Variants in BUB3 observed in about 807,000 individuals in gnomAD.
The protein encoded by BUB3 is mitotic checkpoint protein BUB3.
Under a neutral mutation model 39.9 loss-of-function variants are expected in BUB3, and 22 were observed. That is an observed-to-expected ratio of 0.55 (90% CI 0.39 to 0.79). The LOEUF is 0.79. Ranked by LOEUF, BUB3 falls within the 30% of genes least tolerant of loss-of-function variation. BUB3 has a pLI of 0.00. For missense variants in BUB3, 303 were observed against 415.4 expected (o/e 0.73, Z 2.35); for synonymous variants, 168 against 155.1 (o/e 1.08, Z -0.62).
chr10:123,156,814 T>A (rs1417036494), intron 3 of BUB3, among the ~76,000 whole-genome samples: 1 of 150,486 alleles, frequency 6.6e-6, no homozygotes, highest in African/African-American at 2.5e-5. Context: ...TGGTGTGATC[T>A]TGGCTCACCA....
Position 123,161,562 on chromosome 10 carries a change from T to C in BUB3, c.577-674T>C, listed in dbSNP as rs1341796461. The stretch of plus-strand genomic sequence containing the variant: ...GTTAAAAAGTAGGATTTTACTGACT[T>C]ATATATTTCTTCATAAACAGTTTTC... On this transcript the variant is annotated intron_variant, in intron 5 of 7. Transcript: ENST00000368865. Among the ~76,000 whole-genome samples the C allele has an allele frequency of 3.3e-5, 5 of 152,006 alleles. No homozygotes were observed. In the East Asian group the frequency reaches 9.6e-4, roughly 29 times the overall value.
chr10:123,163,889 C>G lies in BUB3; in HGVS notation c.*54C>G. On this transcript the variant is annotated 3_prime_UTR_variant, in exon 8 of 8. Transcript: ENST00000368865. The stretch of plus-strand genomic sequence containing the variant: ...TGATGATAATAAAACAATTCGTACT[C>G]CCCAATGGTGGATTTATTACTATTA... The G allele has an allele frequency of 6.5e-7, 1 of 1,543,956 alleles. No individual in the cohort carries two copies. Among genetic ancestry groups the G allele is most frequent in the Admixed American group, 1.9e-5 (1 of 53,974 alleles).
At chr10:123,155,248 C>A in intron 2 of BUB3, 136 bp downstream of exon 2, 1 of 1,014,610 alleles carries the variant, frequency 9.9e-7, no homozygotes, top group Non-Finnish European at 1.4e-6. Flanking sequence ...TTTTCAGGAG[C>A]ATCTGCCTTG....
At chr10:123,161,553 T>A (rs1844424317) in intron 5 of BUB3, among the ~76,000 whole-genome samples, 2 of 152,222 alleles carry the variant, frequency 1.3e-5, no homozygotes, top group Admixed American at 6.5e-5. Context: ...AAGTAGGATT[T>A]TACTGACTTA....
intron 3 of BUB3, among the ~76,000 whole-genome samples, chr10:123,157,044 T>C (rs906259051): frequency 1.3e-5 from 2 of 152,200 alleles, no homozygotes; most frequent in African/African-American, 2.4e-5. Flanking sequence ...GTCAGGACCA[T>C]ATATTGTTCA....
At chr10:123,156,261 C>G (rs1394577716) in intron 3 of BUB3, among the ~76,000 whole-genome samples, 1 of 152,156 alleles carries the variant, frequency 6.6e-6, no homozygotes, top group Non-Finnish European at 1.5e-5. Context: ...TCTTAGAGAT[C>G]CAGATATGAA....
rs1288831687 is a variant in BUB3, at chr10:123,164,317, C to T, written c.*482C>T. 3.0e-5 allele frequency: 30 copies of T among 985,766 alleles called. No individual in the cohort carries two copies. Among genetic ancestry groups the T allele is most frequent in the African/African-American group, 5.2e-5 (3 of 57,208 alleles). The allele number at this position is 985,766 out of a possible 1,614,324, so 61.1% of individuals were successfully genotyped here. ...ACAATTAAACAATATTTCCTCTTGG[C>T]CGTCCATTATTTTCTGAAGCAGATG... On this transcript the variant is annotated 3_prime_UTR_variant, in exon 8 of 8. Transcript: ENST00000368865.
chr10:123,155,188 G>C lies in BUB3; in HGVS notation c.195+76G>C, dbSNP rs1369893751. 3.3e-6 allele frequency: 5 copies of C among 1,502,538 alleles called. No individual in the cohort carries two copies. The African/African-American group carries it at 5.6e-5, about 17-fold the overall frequency. 93.1% of individuals were successfully genotyped at this position (1,502,538 alleles called of 1,614,324 possible). ...CCACGTGAGGAGCGTTTCTTTTCCA[G>C]TGTTGGGTAGAGGCGTCTGTCGGTG... On this transcript the variant is annotated intron_variant, in intron 2 of 7. Transcript: ENST00000368865.
chr10:123,165,132 G>A lies in BUB3; in HGVS notation c.*1297G>A. 2 of 1,497,240 alleles carry A rather than the reference G, an allele frequency of 1.3e-6. No individual in the cohort carries two copies. The highest frequency in any genetic ancestry group is 1.9e-6 in the Non-Finnish European group (2 of 1,080,444). The allele number at this position is 1,497,240 out of a possible 1,614,324, so 92.7% of individuals were successfully genotyped here. A position where few individuals can be genotyped will look rare whatever the true frequency, so the allele number is the denominator to read the frequency against. ...AATACATGCTTATTCCTTAAGGGAT[G>A]TGTTAGAGTTACTGTGGATTTCTCT... On this transcript the variant is annotated 3_prime_UTR_variant, in exon 8 of 8. Coordinates refer to ENST00000368865, the MANE Select transcript of BUB3 (RefSeq NM_004725.4).
intron 7 of BUB3, chr10:123,163,106 A>G: frequency 2.7e-6 from 1 of 364,032 alleles, no homozygotes; most frequent in African/African-American, 2.1e-5. Context: ...AGTTATTACC[A>G]GCTCATTGCT....
At position 123,163,948 on chromosome 10, in the gene BUB3, T is replaced by C; in HGVS notation, c.*113T>C. ...AGGGAAAATATTAATTTTAATATTA[T>C]AACAACCTGAAAATAATGGAAAAGA... On this transcript the variant is annotated 3_prime_UTR_variant, in exon 8 of 8. Transcript: ENST00000368865. 2.2e-6 allele frequency: 3 copies of C among 1,343,782 alleles called. No individual in the cohort carries two copies. Among genetic ancestry groups the C allele is most frequent in the Non-Finnish European group, 2.9e-6 (3 of 1,029,516 alleles). 83.2% of individuals were successfully genotyped at this position (1,343,782 alleles called of 1,614,324 possible).
Position 123,168,806 on chromosome 10 carries a change from G to A in BUB3, c.*4971G>A, listed in dbSNP as rs1429866142. 1 of 151,894 alleles carries A rather than the reference G, an allele frequency of 6.6e-6. No individual in the cohort carries two copies. Among genetic ancestry groups the A allele is most frequent in the Non-Finnish European group, 1.5e-5 (1 of 68,034 alleles). 9.4% of individuals were successfully genotyped at this position (151,894 alleles called of 1,614,324 possible). On this transcript the variant is annotated 3_prime_UTR_variant, in exon 8 of 8. Transcript: ENST00000368865. ...GACTTCAGGTAATCCGCCCTCCTTG[G>A]TCTCCCAAAGTGCTGGGATACAGGC...
rs1844442211 is a variant in BUB3, at chr10:123,162,769, A to G, written c.912A>G (p.Thr304=). The change falls in exon 7 of 8, where the codon ACA becomes ACG. Residue 304 remains threonine (T), a synonymous_variant. Coordinates refer to ENST00000368865, the MANE Select transcript of BUB3 (RefSeq NM_004725.4). Reference sequence around the variant, plus strand: ...CATATATGTATGAAATGGATGACACAGAACATCCTGAAGATGGTATCTTCA... The same window carrying G: ...CATATATGTATGAAATGGATGACACGGAACATCCTGAAGATGGTATCTTCA... ...ASSYMYEMDD[T]EHPEDGIFIR... is the part of the protein sequence containing the mutation. 1 of 1,614,014 alleles carries G rather than the reference A, an allele frequency of 6.2e-7. No individual in the cohort carries two copies. Among genetic ancestry groups the G allele is most frequent in the Non-Finnish European group, 8.5e-7 (1 of 1,179,986 alleles).
chr10:123,163,024 C>T (rs887273107), intron 7 of BUB3, 196 bp downstream of exon 7: 2 of 575,100 alleles, frequency 3.5e-6, no homozygotes, highest in African/African-American at 3.9e-5. Context: ...TAAAATTGTG[C>T]CTAGTTGTTT....
At position 123,155,036 on chromosome 10, in the gene BUB3, G is replaced by A. The variant is rs936020139; in HGVS notation, c.119G>A (p.Arg40His). 1.9e-6 allele frequency: 3 copies of A among 1,614,052 alleles called. No individual in the cohort carries two copies. In the African/African-American group the frequency reaches 4.0e-5, roughly 22 times the overall value. ...LLVSSWDTSVRLYDVPANSMR... is the reference protein window; with the variant it reads ...LLVSSWDTSVHLYDVPANSMR... ...GTCTCCTCCTGGGACACGTCCGTGCGTCTCTACGATGTGCCGGCCAACTCC... is the reference window on the plus strand; with the variant it reads ...GTCTCCTCCTGGGACACGTCCGTGCATCTCTACGATGTGCCGGCCAACTCC... The change falls in exon 2 of 8, where the codon CGT (arginine) becomes CAT (histidine). Residue 40 changes from arginine to histidine, a missense_variant. By Grantham distance (29) the Arg-to-His change is conservative. Transcript: ENST00000368865.
At position 123,162,842 on chromosome 10, in the gene BUB3, A is replaced by G. The variant is rs1452539750; in HGVS notation, c.971+14A>G. 1.2e-6 allele frequency: 2 copies of G among 1,604,906 alleles called. No individual in the cohort carries two copies. Among genetic ancestry groups the G allele is most frequent in the Non-Finnish European group, 1.7e-6 (2 of 1,173,832 alleles). On this transcript the variant is annotated intron_variant, in intron 7 of 7. Transcript: ENST00000368865. ...AACAAAACCCAAGTGAGTATGCTTC[A>G]CCTGTATTTGAGCCTTTTCTTGCAT...
chr10:123,157,453 C>T (rs1312910153), intron 3 of BUB3, among the ~76,000 whole-genome samples: 4 of 152,122 alleles, frequency 2.6e-5, no homozygotes, highest in Non-Finnish European at 5.9e-5. Context: ...ACAGACATGC[C>T]ACTATGTTAA....
chr10:123,163,472 A>G (rs932327550), intron 7 of BUB3, among the ~76,000 whole-genome samples: 2 of 152,214 alleles, frequency 1.3e-5, no homozygotes, highest in African/African-American at 4.8e-5. Flanking sequence ...AAACTATAAA[A>G]TACCTACTCC....
intron 5 of BUB3, among the ~76,000 whole-genome samples, 188 bp downstream of exon 5, chr10:123,160,753 A>G (rs1055080191): frequency 1.3e-5 from 2 of 151,852 alleles, no homozygotes; most frequent in East Asian, 1.9e-4. Context: ...GTTAACCCCC[A>G]TTTTAGAGAC....
Sources: gnomAD v4.1 joint callset for allele counts (sites outside exome capture counted in the v4.1 genomes callset) on GRCh38, gnomAD v4.1.1 for gene constraint, MANE v1.5 for transcripts, NCBI Gene and HGNC (gene_info 2026-07-23, HGNC 2026-07-21) for gene names.